Variants in ATP2B4 observed in about 807,000 individuals in gnomAD.
ATP2B4 encodes the protein plasma membrane calcium-transporting ATPase 4.
A neutral mutation model predicts 110.3 loss-of-function variants in ATP2B4; 39 were observed. The observed-to-expected ratio is 0.35, with a 90% CI of 0.27 to 0.46. The LOEUF is 0.46. Among genes scored for constraint, ATP2B4 ranks in the 20% least tolerant of loss-of-function variants. ATP2B4 has a pLI of 1.00. For synonymous variants in ATP2B4, 538 were observed against 571.7 expected, an observed-to-expected ratio of 0.94 and a Z score of 0.84; for missense variants, 1,135 against 1,530.9, an observed-to-expected ratio of 0.74 and a Z score of 4.32.
At chr1:203,735,498 C>G (rs996386029) in intron 20 of ATP2B4, among the ~76,000 whole-genome samples, 3 of 152,162 alleles carry the variant, frequency 2.0e-5, no homozygotes, top group South Asian at 4.1e-4. Context: ...CACCACCCCC[C>G]ACCCCGACCT....
At chr1:203,715,841 A>G (rs1304583329) in intron 15 of ATP2B4, among the ~76,000 whole-genome samples, 2 of 144,326 alleles carry the variant, frequency 1.4e-5, no homozygotes, top group Admixed American at 6.9e-5. Context: ...CTCTTAACCT[A>G]TCTCTTGGAG....
At chr1:203,716,877 C>A (rs1217843999) in intron 15 of ATP2B4, among the ~76,000 whole-genome samples, 1 of 144,868 alleles carries the variant, frequency 6.9e-6, no homozygotes, top group Non-Finnish European at 1.5e-5. Flanking sequence ...TATTGTAATT[C>A]TTTATTTATT....
At chr1:203,653,903 A>G (rs985202707) in intron 1 of ATP2B4, among the ~76,000 whole-genome samples, 1 of 151,222 alleles carries the variant, frequency 6.6e-6, no homozygotes, top group Non-Finnish European at 1.5e-5. Context: ...CCTGTGATCT[A>G]TCAAAGAAAC....
chr1:203,739,290 C>T (rs1484818297), intron 20 of ATP2B4, among the ~76,000 whole-genome samples: 1 of 152,012 alleles, frequency 6.6e-6, no homozygotes, highest in Non-Finnish European at 1.5e-5. Context: ...TTTGGGTTTT[C>T]TACTTTTTTT....
At chr1:203,647,896 G>T (rs539749296) in intron 1 of ATP2B4, among the ~76,000 whole-genome samples, 2 of 152,286 alleles carry the variant, frequency 1.3e-5, no homozygotes, top group African/African-American at 4.8e-5. Flanking sequence ...AATCAGAGAG[G>T]GGAGAAGGCT....
intron 20 of ATP2B4, chr1:203,733,144 A>C (rs182313975): frequency 7.1e-7 from 1 of 1,404,174 alleles, no homozygotes; most frequent in Non-Finnish European, 9.7e-7. Flanking sequence ...CCAACCTTCC[A>C]TGACCCTCCC....
intron 4 of ATP2B4, 151 bp from the exon 5 acceptor site, chr1:203,700,054 TG>T (rs1665645427): frequency 1.0e-6 from 1 of 976,312 alleles, no homozygotes; most frequent in African/African-American, 1.6e-5. Context: ...GCTGAAGACT[TG>T]TAAAGAGTCT....
intron 1 of ATP2B4, among the ~76,000 whole-genome samples, chr1:203,650,247 A>G (rs892717928): frequency 2.0e-5 from 3 of 152,074 alleles, no homozygotes; most frequent in Non-Finnish European, 2.9e-5. Flanking sequence ...AGCTGTGCTG[A>G]GAAGTCGGCT....
At chr1:203,719,746 A>ATAAT (rs1666267249) in intron 15 of ATP2B4, among the ~76,000 whole-genome samples, 1 of 151,662 alleles carries the variant, frequency 6.6e-6, no homozygotes. Flanking sequence ...AAATAAATAA[A>ATAAT]TAAATAAATG....
intron 15 of ATP2B4, among the ~76,000 whole-genome samples, chr1:203,718,805 G>A (rs532486120): frequency 6.6e-6 from 1 of 152,132 alleles, no homozygotes; most frequent in Admixed American, 6.5e-5. Context: ...ATAGGTATAT[G>A]CTACCAGGAA....
chr1:203,733,981 C>T (rs1278884474), intron 20 of ATP2B4, among the ~76,000 whole-genome samples: 1 of 152,146 alleles, frequency 6.6e-6, no homozygotes, highest in South Asian at 2.1e-4. Context: ...ATTTGGCCAC[C>T]ACTGTATTGC....
intron 1 of ATP2B4, among the ~76,000 whole-genome samples, chr1:203,632,942 T>C (rs1306325644): frequency 6.6e-6 from 1 of 152,158 alleles, no homozygotes; most frequent in African/African-American, 2.4e-5. Flanking sequence ...TGTGGGTCTG[T>C]CCACTGAAAG....
intron 20 of ATP2B4, 111 bp downstream of exon 20, chr1:203,727,682 C>A: frequency 7.4e-7 from 1 of 1,342,462 alleles, no homozygotes; most frequent in South Asian, 1.4e-5. Flanking sequence ...TCCAAAGGCT[C>A]ACTACTGATG....
At chr1:203,652,002 A>G (rs1664011428) in intron 1 of ATP2B4, among the ~76,000 whole-genome samples, 2 of 151,290 alleles carry the variant, frequency 1.3e-5, no homozygotes, top group African/African-American at 4.9e-5. Context: ...GGTGGCAGTG[A>G]GCCAAGATTG....
intron 1 of ATP2B4, among the ~76,000 whole-genome samples, chr1:203,659,033 T>G (rs954422948): frequency 2.0e-5 from 3 of 151,842 alleles, no homozygotes; most frequent in Non-Finnish European, 1.5e-5. Context: ...GTGAATATAG[T>G]AATTGGAGTT....
chr1:203,731,679 G>C (rs1006986971), intron 20 of ATP2B4, among the ~76,000 whole-genome samples: 5 of 150,156 alleles, frequency 3.3e-5, no homozygotes, highest in South Asian at 2.1e-4. Flanking sequence ...GTGAAACTCT[G>C]TCTCTACTAA....
intron 2 of ATP2B4, among the ~76,000 whole-genome samples, chr1:203,692,007 G>A (rs1055053453): frequency 4.0e-5 from 6 of 151,636 alleles, no homozygotes; most frequent in Non-Finnish European, 8.8e-5. Flanking sequence ...TCAGCCTCCC[G>A]AGTAGCTGGG....
chr1:203,732,797 A>G (rs537657394), intron 20 of ATP2B4, among the ~76,000 whole-genome samples: 17 of 151,694 alleles, frequency 1.1e-4, no homozygotes, highest in Admixed American at 1.0e-3. Flanking sequence ...CCTGGGCGAC[A>G]GATTGAGATT....
At position 203,725,802 on chromosome 1, in the gene ATP2B4, A is replaced by G. The variant is rs144138141; in HGVS notation, c.3133-1593A>G. On this transcript the variant is annotated intron_variant, in intron 19 of 20. Transcript: ENST00000357681. The stretch of plus-strand genomic sequence containing the variant: ...CACTTTGCCCTAACTGGCCTCAAAG[A>G]GCCATTTCTGGAGCTGCAGGCCTTC... 8.8e-3 allele frequency among the ~76,000 whole-genome samples: 1,335 copies of G among 151,334 alleles called. 11 individuals carry two copies. The highest frequency in any genetic ancestry group is 0.013 in the Non-Finnish European group (866 of 67,936).
Sources: gnomAD v4.1 joint callset for allele counts (sites outside exome capture counted in the v4.1 genomes callset) on GRCh38, gnomAD v4.1.1 for gene constraint, MANE v1.5 for transcripts, NCBI Gene and HGNC (gene_info 2026-07-23, HGNC 2026-07-21) for gene names.